The following HECW1 variants were observed in gnomAD, a reference collection of about 807,000 sequenced individuals.
The protein encoded by HECW1 is HECT, C2 and WW domain containing E3 ubiquitin protein ligase 1.
In HECW1, 61 loss-of-function variants were observed where a neutral mutation model predicts 182.3. The ratio of observed to expected loss-of-function variants is 0.33; its 90% CI spans 0.27 to 0.41. The LOEUF is 0.41. Ranked by LOEUF, HECW1 falls within the 10% of genes least tolerant of loss-of-function variation. The probability of loss-of-function intolerance (pLI) is 1.00; values close to 1 mark genes in which losing one functional copy is unlikely to be tolerated. For synonymous variants in HECW1, 859 were observed against 832.6 expected (o/e 1.03, Z -0.55); for missense variants, 1,739 against 2,108.9 (o/e 0.82, Z 3.44).
chr7:43,255,147 A>G (rs532546609), intron 3 of HECW1, among the ~76,000 whole-genome samples: 6 of 152,230 alleles, frequency 3.9e-5, no homozygotes, highest in South Asian at 2.1e-4. Flanking sequence ...AGTGTGCCCA[A>G]TGTGATCCAA....
At chr7:43,156,223 TAAGA>T (rs1373334794) in intron 2 of HECW1, among the ~76,000 whole-genome samples, 1 of 152,206 alleles carries the variant, frequency 6.6e-6, no homozygotes, top group Non-Finnish European at 1.5e-5. Context: ...TACAATACTT[TAAGA>T]TTTTGGTGTG....
chr7:43,315,413 G>C (rs1809086054), intron 4 of HECW1, among the ~76,000 whole-genome samples: 1 of 151,864 alleles, frequency 6.6e-6, no homozygotes, highest in African/African-American at 2.4e-5. Flanking sequence ...CATTGGCCTA[G>C]TAGTAAGAAA....
At chr7:43,337,685 G>C (rs181831017) in intron 5 of HECW1, among the ~76,000 whole-genome samples, 2 of 152,320 alleles carry the variant, frequency 1.3e-5, no homozygotes, top group African/African-American at 4.8e-5. Context: ...AGATGCTCTT[G>C]CTGGATGGCC....
At chr7:43,347,702 G>A (rs2107554) in intron 5 of HECW1, among the ~76,000 whole-genome samples, 129,899 of 152,048 alleles carry the variant, frequency 0.85, 55,708 homozygotes, top group Middle Eastern at 0.91. Flanking sequence ...TGTTCCTTCT[G>A]TGACGATTTT....
chr7:43,140,522 G>A (rs918390675), intron 2 of HECW1, among the ~76,000 whole-genome samples: 1 of 152,178 alleles, frequency 6.6e-6, no homozygotes, highest in Non-Finnish European at 1.5e-5. Context: ...CGAATCCATC[G>A]TTTCTGGCCT....
At chr7:43,345,057 G>A (rs981086626) in intron 5 of HECW1, among the ~76,000 whole-genome samples, 13 of 152,098 alleles carry the variant, frequency 8.5e-5, no homozygotes, top group East Asian at 1.9e-4. Context: ...TATAGACTCC[G>A]CTCAGCAAAG....
At chr7:43,242,792 C>T (rs1799005268) in intron 2 of HECW1, among the ~76,000 whole-genome samples, 1 of 152,158 alleles carries the variant, frequency 6.6e-6, no homozygotes, top group Admixed American at 6.5e-5. Flanking sequence ...GAGAACCATC[C>T]AGGAAGCCAG....
chr7:43,127,194 A>G (rs6959735), intron 2 of HECW1, among the ~76,000 whole-genome samples: 1,715 of 152,296 alleles, frequency 0.011, 33 homozygotes, highest in African/African-American at 0.04. Flanking sequence ...GGAGGAAATT[A>G]AAAGTGCTAC....
At chr7:43,242,589 G>A (rs1001066344) in intron 2 of HECW1, among the ~76,000 whole-genome samples, 4 of 152,160 alleles carry the variant, frequency 2.6e-5, no homozygotes, top group African/African-American at 9.7e-5. Context: ...ATGGGGACTG[G>A]GTCTGGACAT....
At chr7:43,235,257 C>T (rs1246773187) in intron 2 of HECW1, among the ~76,000 whole-genome samples, 1 of 152,214 alleles carries the variant, frequency 6.6e-6, no homozygotes, top group African/African-American at 2.4e-5. Flanking sequence ...GAGAGTACCC[C>T]CTGCTCTGAG....
chr7:43,353,824 G>A (rs1018306843), intron 5 of HECW1, among the ~76,000 whole-genome samples: 3 of 152,094 alleles, frequency 2.0e-5, no homozygotes, highest in African/African-American at 7.2e-5. Context: ...CTATCCCTGA[G>A]AGCAACCATA....
At chr7:43,425,722 G>C (rs1483633242) in intron 8 of HECW1, among the ~76,000 whole-genome samples, 1 of 152,106 alleles carries the variant, frequency 6.6e-6, no homozygotes, top group African/African-American at 2.4e-5. Context: ...AGGAGAACCA[G>C]GCCAAAGTCA....
intron 19 of HECW1, among the ~76,000 whole-genome samples, chr7:43,499,800 A>C (rs2079267514): frequency 6.6e-6 from 1 of 152,202 alleles, no homozygotes; most frequent in South Asian, 2.1e-4. Flanking sequence ...AGCAAATTAA[A>C]AAGTTAATTT....
chr7:43,204,441 G>T (rs539396718), intron 2 of HECW1, among the ~76,000 whole-genome samples: 1 of 152,238 alleles, frequency 6.6e-6, no homozygotes, highest in Non-Finnish European at 1.5e-5. Context: ...CTATCAGAGT[G>T]CAAATCAAGT....
At chr7:43,259,652 T>C (rs1800962778) in intron 3 of HECW1, among the ~76,000 whole-genome samples, 2 of 152,144 alleles carry the variant, frequency 1.3e-5, no homozygotes, top group South Asian at 4.1e-4. Flanking sequence ...AATGAAATTC[T>C]AGAGTAAAAA....
At chr7:43,439,935 T>G (rs1412009534) in intron 9 of HECW1, 1 of 152,352 alleles carries the variant, frequency 6.6e-6, no homozygotes, top group East Asian at 1.9e-4. Flanking sequence ...CAGCAAGCCA[T>G]GGAGGCGTTT....
chr7:43,549,172 G>A (rs1030441416), intron 26 of HECW1, among the ~76,000 whole-genome samples: 1 of 152,182 alleles, frequency 6.6e-6, no homozygotes, highest in Non-Finnish European at 1.5e-5. Context: ...CATCCCATTG[G>A]ACAGAATTTA....
In HECW1 at chr7:43,243,457, TTCCCCTTCC is replaced by T. The variant is rs1376523343; in HGVS notation, c.-31-416_-31-408del. ...GAATTTTCAGCAGTTTAACTGTAGA[TTCCCCTTCC>T]TTTGTGGTTGAGGGAGCTTCAGGAG... On this transcript the variant is annotated intron_variant, in intron 2 of 29. Transcript: ENST00000395891. This position sits in a 1 kb window ranked among gnomAD's most constrained non-coding sequence, Gnocchi z 4.0. 6.6e-6 allele frequency among the ~76,000 whole-genome samples: 1 copy of T among 152,184 alleles called. No homozygotes were observed. The highest frequency in any genetic ancestry group is 1.5e-5 in the Non-Finnish European group (1 of 68,032).
chr7:43,339,630 G>A (rs553651573), intron 5 of HECW1, among the ~76,000 whole-genome samples: 1 of 151,984 alleles, frequency 6.6e-6, no homozygotes, highest in Non-Finnish European at 1.5e-5. Flanking sequence ...CCATACATTG[G>A]GTATGAAATA....
Sources: gnomAD v4.1 joint callset for allele counts (sites outside exome capture counted in the v4.1 genomes callset) on GRCh38, gnomAD v4.1.1 for gene constraint, Gnocchi (gnomAD v3.1) non-coding constraint, MANE v1.5 for transcripts, NCBI Gene and HGNC (gene_info 2026-07-23, HGNC 2026-07-21) for gene names.